Variants in PTGES observed in about 807,000 individuals in gnomAD.
PTGES encodes the protein MGST1-like 1.
In PTGES, 3 loss-of-function variants were observed where a neutral mutation model predicts 11.8. That is an observed-to-expected ratio of 0.25 (90% confidence interval 0.12 to 0.66). The LOEUF (loss-of-function observed/expected upper bound fraction) is 0.66, where lower values mean the gene tolerates loss of function less well. Ranked by LOEUF, PTGES falls within the 30% of genes least tolerant of loss-of-function variation. The pLI is 0.82. For missense variants in PTGES, 180 were observed against 213.0 expected, an observed-to-expected ratio of 0.85 and a Z score of 0.96; for synonymous variants, 94 against 90.4, an observed-to-expected ratio of 1.04 and a Z score of -0.22.
Position 129,745,498 on chromosome 9 carries a change from C to T in PTGES, c.209+3157G>A, listed in dbSNP as rs1014849023. On this transcript the variant is annotated intron_variant, in intron 2 of 2. Coordinates refer to ENST00000340607, the MANE Select transcript of PTGES (RefSeq NM_004878.5). The surrounding 1 kb of genome is among the most constrained non-coding windows in gnomAD (Gnocchi z 4.2). ...TTCCAGCCAGTTCTCCGGTAGCAGA[C>T]GGCAGGATATAGAATTCTCTTAGTT... 2.0e-5 allele frequency among the ~76,000 whole-genome samples: 3 copies of T among 152,156 alleles called. No individual in the cohort carries two copies. Among genetic ancestry groups the T allele is most frequent in the South Asian group, 4.1e-4 (2 of 4,834 alleles).
rs71497492 is a variant in PTGES at position 129,748,009 on chromosome 9, CAAAAAAAA to C, written c.209+638_209+645del. ...TGGGCAACAGAGTGAGACTCTGTCT[CAAAAAAAA>C]AAAAAAAAAAAAAAAAAAAGAGGTA... On this transcript the variant is annotated intron_variant, in intron 2 of 2. Coordinates refer to ENST00000340607, the MANE Select transcript of PTGES (RefSeq NM_004878.5). Among the ~76,000 whole-genome samples the C allele has an allele frequency of 3.0e-4, 7 of 23,426 alleles. No individual in the cohort carries two copies. In the South Asian group the frequency reaches 5.2e-3, roughly 17 times the overall value. 15.4% of individuals were successfully genotyped at this position (23,426 alleles called of 152,430 possible).
intron 2 of PTGES, among the ~76,000 whole-genome samples, chr9:129,743,803 G>A (rs1410377130): frequency 6.6e-6 from 1 of 152,230 alleles, no homozygotes; most frequent in Non-Finnish European, 1.5e-5. Context: ...AGAGTGCCAA[G>A]TGAGTGAATT....
chr9:129,752,778 C>T (rs548980499), intron 1 of PTGES, 109 bp downstream of exon 1: 6 of 1,559,894 alleles, frequency 3.8e-6, no homozygotes, highest in Non-Finnish European at 5.2e-6. Context: ...TGCTCACCTC[C>T]CAGCCCTGCA....
intron 2 of PTGES, among the ~76,000 whole-genome samples, chr9:129,743,684 G>A (rs1833022838): frequency 6.6e-6 from 1 of 152,196 alleles, no homozygotes. Context: ...CAGGGTTGAC[G>A]CAATGCAGTG....
At chr9:129,747,532 CA>C (rs1343736995) in intron 2 of PTGES, among the ~76,000 whole-genome samples, 1 of 151,974 alleles carries the variant, frequency 6.6e-6, no homozygotes, top group Non-Finnish European at 1.5e-5. Context: ...AAGTGCAAAG[CA>C]AAACAAAAAT....
At chr9:129,750,010 A>C (rs1833087856) in intron 1 of PTGES, among the ~76,000 whole-genome samples, 1 of 152,206 alleles carries the variant, frequency 6.6e-6, no homozygotes, top group Non-Finnish European at 1.5e-5. Flanking sequence ...ATCACAGCTC[A>C]TGTGCTGTGT....
chr9:129,748,831 G>C, intron 1 of PTGES, 94 bp from the exon 2 acceptor site: 2 of 1,046,042 alleles, frequency 1.9e-6, no homozygotes, highest in Non-Finnish European at 2.8e-6. Flanking sequence ...CACAGTGGCA[G>C]GACAGAGGTG....
At chr9:129,752,766 G>A (rs138743530) in intron 1 of PTGES, 121 bp downstream of exon 1, 2 of 1,467,986 alleles carry the variant, frequency 1.4e-6, no homozygotes, top group East Asian at 4.5e-5. Flanking sequence ...GGCTGGAAGA[G>A]GTGCTCACCT....
In PTGES at chr9:129,739,397, A is replaced by C; in HGVS notation, c.*214T>G. 1 of 626,342 alleles carries C rather than the reference A, an allele frequency of 1.6e-6. No individual in the cohort carries two copies. The highest frequency in any genetic ancestry group is 2.7e-6 in the Non-Finnish European group (1 of 373,010). The allele number at this position is 626,342 out of a possible 1,614,324, so 38.8% of individuals were successfully genotyped here. On this transcript the variant is annotated 3_prime_UTR_variant, in exon 3 of 3. Coordinates refer to ENST00000340607, the MANE Select transcript of PTGES (RefSeq NM_004878.5). This position sits in a 1 kb window ranked among gnomAD's most constrained non-coding sequence, Gnocchi z 5.7. ...ATGGTTCCCATCAGCCACTTCGTGC[A>C]GGAATCCAAGGGGCTAAGAAACATA... is the stretch of plus-strand genomic sequence containing the variant.
At position 129,752,982 on chromosome 9, in the gene PTGES, G is replaced by A. The variant is rs746984447; in HGVS notation, c.31C>T (p.Pro11Ser). The A allele has an allele frequency of 2.5e-6, 4 of 1,609,356 alleles. No individual in the cohort carries two copies. In the African/African-American group the frequency reaches 4.0e-5, roughly 16 times the overall value. MPAHSLVMSSPALPAFLLCST... is the reference protein window; with the variant it reads MPAHSLVMSSSALPAFLLCST... Reference sequence around the variant, plus strand: ...CAGAGCAGGAAGGCCGGGAGGGCCGGGCTGCTCATCACCAGGCTGTGGGCA... The same window carrying A: ...CAGAGCAGGAAGGCCGGGAGGGCCGAGCTGCTCATCACCAGGCTGTGGGCA... Residue 11 changes from proline (P) to serine (S), a missense_variant, in exon 1 of 3, where the codon CCG becomes TCG. Pro to Ser is a moderately conservative substitution (Grantham distance 74, BLOSUM62 -1). Coordinates refer to ENST00000340607, the MANE Select transcript of PTGES (RefSeq NM_004878.5).
intron 2 of PTGES, among the ~76,000 whole-genome samples, chr9:129,743,141 C>T (rs58808915): frequency 0.017 from 2,528 of 152,280 alleles, 72 homozygotes; most frequent in African/African-American, 0.059. Context: ...AGCAATTCAG[C>T]GGTCACCAGC....
At chr9:129,751,188 T>C (rs1318490034) in intron 1 of PTGES, among the ~76,000 whole-genome samples, 1 of 151,848 alleles carries the variant, frequency 6.6e-6, no homozygotes, top group South Asian at 2.1e-4. Context: ...TTAGGAGCAG[T>C]GACGCACACC....
At chr9:129,748,123 A>G (rs1833065733) in intron 2 of PTGES, among the ~76,000 whole-genome samples, 1 of 150,774 alleles carries the variant, frequency 6.6e-6, no homozygotes, top group Non-Finnish European at 1.5e-5. Context: ...TGGGCTGTAC[A>G]TTCAACAGAG....
intron 2 of PTGES, among the ~76,000 whole-genome samples, chr9:129,743,976 G>A (rs1833025680): frequency 6.6e-6 from 1 of 152,164 alleles, no homozygotes; most frequent in Admixed American, 6.5e-5. Flanking sequence ...AGCCTCCTGA[G>A]TAGCTGAGAC....
chr9:129,741,450 T>A (rs1832993076), intron 2 of PTGES, among the ~76,000 whole-genome samples: 1 of 152,106 alleles, frequency 6.6e-6, no homozygotes, highest in South Asian at 2.1e-4. Context: ...GAGACTGACA[T>A]GAACCCCTCT....
intron 1 of PTGES, among the ~76,000 whole-genome samples, chr9:129,749,932 C>T (rs539164415): frequency 6.6e-6 from 1 of 152,310 alleles, no homozygotes; most frequent in Admixed American, 6.5e-5. Flanking sequence ...GTCTTGAGAG[C>T]CCCAGGCTGA....
intron 1 of PTGES, among the ~76,000 whole-genome samples, chr9:129,752,657 C>A (rs1833124502): frequency 6.6e-6 from 1 of 152,274 alleles, no homozygotes; most frequent in Non-Finnish European, 1.5e-5. Flanking sequence ...GCCAAGAACT[C>A]AGCCCGGTGG....
chr9:129,747,726 G>A (rs1451663886), intron 2 of PTGES, among the ~76,000 whole-genome samples: 2 of 152,034 alleles, frequency 1.3e-5, no homozygotes, highest in Admixed American at 6.6e-5. Context: ...AAAAAGTGTT[G>A]AGGCCGGGTG....
At position 129,739,585 on chromosome 9, in the gene PTGES, G is replaced by T; in HGVS notation, c.*26C>A. On this transcript the variant is annotated 3_prime_UTR_variant, in exon 3 of 3. Transcript: ENST00000340607. The surrounding 1 kb of genome is among the most constrained non-coding windows in gnomAD (Gnocchi z 5.7). ...ACGGCGGCTCTTGGCCCATGGTCTG[G>T]TGGCCAAGGAGGCATCAGCTGCTGG... 1 of 1,543,992 alleles carries T rather than the reference G, an allele frequency of 6.5e-7. No homozygotes were observed. Among genetic ancestry groups the T allele is most frequent in the Non-Finnish European group, 8.7e-7 (1 of 1,143,094 alleles).
Sources: gnomAD v4.1 joint callset for allele counts (sites outside exome capture counted in the v4.1 genomes callset) on GRCh38, gnomAD v4.1.1 for gene constraint, Gnocchi (gnomAD v3.1) non-coding constraint, MANE v1.5 for transcripts, NCBI Gene and HGNC (gene_info 2026-07-23, HGNC 2026-07-21) for gene names.